ACP1: variants seen among roughly 807,000 people sequenced by gnomAD.
The protein encoded by ACP1 is low molecular weight phosphotyrosine protein phosphatase.
In ACP1, 23 loss-of-function variants were observed where a neutral mutation model predicts 23.4. That is an observed-to-expected ratio of 0.98 (90% confidence interval 0.71 to 1.39). The LOEUF (loss-of-function observed/expected upper bound fraction) is 1.39, where lower values mean the gene tolerates loss of function less well. ACP1 is among the 40% of genes most tolerant of loss of function. ACP1 has a pLI of 0.00. For missense variants in ACP1, 180 were observed against 197.7 expected, an observed-to-expected ratio of 0.91 and a Z score of 0.54; for synonymous variants, 72 against 67.2, an observed-to-expected ratio of 1.07 and a Z score of -0.35.
At chr2:265,296 A>G (rs947418875) in intron 1 of ACP1, 2 of 397,962 alleles carry the variant, frequency 5.0e-6, no homozygotes, top group East Asian at 4.5e-5. Flanking sequence ...CTTTGCGACT[A>G]CTAGAATCCC....
At chr2:273,365 G>A (rs1031308668) in intron 3 of ACP1, among the ~76,000 whole-genome samples, 7 of 152,216 alleles carry the variant, frequency 4.6e-5, no homozygotes, top group African/African-American at 1.7e-4. Context: ...CTACTGAACC[G>A]TTTGAGATCC....
At chr2:269,218 C>G in intron 1 of ACP1, 1 of 426,750 alleles carries the variant, frequency 2.3e-6, no homozygotes, top group South Asian at 1.7e-5. Flanking sequence ...TTTAGAATGT[C>G]GAAAGGAAAA....
chr2:269,599 G>A (rs1156784381), intron 1 of ACP1, among the ~76,000 whole-genome samples: 1 of 152,180 alleles, frequency 6.6e-6, no homozygotes, highest in Non-Finnish European at 1.5e-5. Flanking sequence ...TCAGTGTGGT[G>A]CTTTGGCATT....
rs1670042570 is a variant in ACP1, at chr2:271,850, C to A, written c.44-16C>A. 6.2e-7 allele frequency: 1 copy of A among 1,610,442 alleles called. No homozygotes were observed. The highest frequency in any genetic ancestry group is 1.3e-5 in the African/African-American group (1 of 74,846). On this transcript the variant is annotated splice_polypyrimidine_tract_variant and intron_variant, in intron 1 of 5. Transcript: ENST00000272065. ...CCAACCTAACCCTGTTTCCCCACCCCTCCCTTTTTTTAAAGGTAACATTTG... is the reference window on the plus strand; with the variant it reads ...CCAACCTAACCCTGTTTCCCCACCCATCCCTTTTTTTAAAGGTAACATTTG...
chr2:272,013 A>T, intron 2 of ACP1, 24 bp from the exon 3 acceptor site: 1 of 1,606,256 alleles, frequency 6.2e-7, no homozygotes, highest in Non-Finnish European at 8.5e-7. Context: ...AAAAAAAAAA[A>T]ATTCCATGTT....
intron 1 of ACP1, among the ~76,000 whole-genome samples, chr2:271,477 G>C (rs1234788817): frequency 6.6e-6 from 1 of 152,190 alleles, no homozygotes; most frequent in Non-Finnish European, 1.5e-5. Context: ...CTGAGGGACA[G>C]ACCACTGTAT....
intron 1 of ACP1, among the ~76,000 whole-genome samples, chr2:268,166 A>G (rs1669939256): frequency 6.6e-6 from 1 of 152,236 alleles, no homozygotes; most frequent in Admixed American, 6.5e-5. Context: ...TTAAAAAAGA[A>G]GAGTTTCAGC....
chr2:266,505 C>T (rs1307695149), intron 1 of ACP1: 1 of 152,198 alleles, frequency 6.6e-6, no homozygotes, highest in Non-Finnish European at 1.5e-5. Context: ...CTTGCATATA[C>T]AGTAGTCCCA....
At chr2:274,701 T>A (rs1480738134) in intron 3 of ACP1, 1 of 152,344 alleles carries the variant, frequency 6.6e-6, no homozygotes, top group African/African-American at 2.4e-5. Context: ...CCTGCCCCCA[T>A]GTGGAAGGGC....
At chr2:271,813 G>A in intron 1 of ACP1, 53 bp from the exon 2 acceptor site, 1 of 1,411,380 alleles carries the variant, frequency 7.1e-7, no homozygotes, top group Non-Finnish European at 1.0e-6. Flanking sequence ...GAGCTGGCAT[G>A]TGCCCTTCCA....
intron 1 of ACP1, 130 bp downstream of exon 1, chr2:265,137 T>G: frequency 8.7e-7 from 1 of 1,148,564 alleles, no homozygotes; most frequent in Non-Finnish European, 1.3e-6. Flanking sequence ...AGGCCTAGGG[T>G]GTTCTAGGAG....
At chr2:275,950 G>A (rs1431661714) in intron 4 of ACP1, among the ~76,000 whole-genome samples, 1 of 152,140 alleles carries the variant, frequency 6.6e-6, no homozygotes. Flanking sequence ...TATTAATTAG[G>A]ACCTTCATTA....
At position 277,326 on chromosome 2, in the gene ACP1, G is replaced by A. The variant is rs116833857; in HGVS notation, c.*22G>A. 1,590 of 1,610,720 alleles carry A rather than the reference G, an allele frequency of 9.9e-4. 21 individuals are homozygous for A. In the African/African-American group the frequency reaches 0.019, roughly 19 times the overall value. On this transcript the variant is annotated 3_prime_UTR_variant, in exon 6 of 6. Transcript: ENST00000272065. ...CTGAGGCAGGTTCGTGCCCTGCTGC[G>A]GCCAGCCTGACTAGACCCCACCCTG... is the stretch of plus-strand genomic sequence containing the variant.
intron 1 of ACP1, chr2:269,236 A>G (rs1233870651): frequency 2.3e-6 from 1 of 442,776 alleles, no homozygotes; most frequent in African/African-American, 2.1e-5. Flanking sequence ...AAAACTTCAC[A>G]ACACAAATTA....
At chr2:273,074 C>T (rs1488803148) in intron 3 of ACP1, 1 of 154,350 alleles carries the variant, frequency 6.5e-6, no homozygotes, top group Non-Finnish European at 1.5e-5. Flanking sequence ...CTGTGAAGTC[C>T]TTCTTGCTGC....
chr2:271,359 C>T (rs1001400000), intron 1 of ACP1, among the ~76,000 whole-genome samples: 1 of 152,072 alleles, frequency 6.6e-6, no homozygotes, highest in Admixed American at 6.6e-5. Flanking sequence ...CTGACTTTTC[C>T]TATACTTGGG....
rs77927634 is a variant in ACP1, at chr2:277,314, G to A, written c.*10G>A. 0.041 allele frequency: 66,014 copies of A among 1,611,770 alleles called. 1,563 individuals are homozygous for A. The highest frequency in any genetic ancestry group is 0.053 in the South Asian group (4,797 of 90,976). ...GGAGAAGGCCCACTGAGGCAGGTTC[G>A]TGCCCTGCTGCGGCCAGCCTGACTA... On this transcript the variant is annotated 3_prime_UTR_variant, in exon 6 of 6. Coordinates refer to ENST00000272065, the MANE Select transcript of ACP1 (RefSeq NM_004300.4).
intron 3 of ACP1, among the ~76,000 whole-genome samples, chr2:273,903 A>C (rs1670106698): frequency 6.6e-6 from 1 of 152,222 alleles, no homozygotes; most frequent in East Asian, 1.9e-4. Flanking sequence ...GGTGGCTCAC[A>C]CTTATAATCC....
chr2:272,495 T>C, intron 3 of ACP1: 2 of 1,431,246 alleles, frequency 1.4e-6, no homozygotes, highest in Non-Finnish European at 1.8e-6. Flanking sequence ...GGAATTTACT[T>C]ATTAAAATGC....
Sources: gnomAD v4.1 joint callset for allele counts (sites outside exome capture counted in the v4.1 genomes callset) on GRCh38, gnomAD v4.1.1 for gene constraint, MANE v1.5 for transcripts, NCBI Gene and HGNC (gene_info 2026-07-23, HGNC 2026-07-21) for gene names.